BICD1: variants seen among roughly 807,000 people sequenced by gnomAD.
BICD1 encodes BICD cargo adaptor 1.
A neutral mutation model predicts 92.5 loss-of-function variants in BICD1; 35 were observed. That is an observed-to-expected ratio of 0.38 (90% confidence interval 0.29 to 0.50). BICD1 has a LOEUF of 0.50. Among genes scored for constraint, BICD1 ranks in the 20% least tolerant of loss-of-function variants. The pLI, the probability that BICD1 is intolerant of heterozygous loss-of-function variation, is 0.93. For synonymous variants in BICD1, 429 were observed against 465.1 expected (o/e 0.92, Z 1.00); for missense variants, 950 against 1,189.8 (o/e 0.80, Z 2.97).
chr12:32,113,311 G>T (rs961599540), intron 1 of BICD1, among the ~76,000 whole-genome samples: 5 of 152,094 alleles, frequency 3.3e-5, no homozygotes, highest in Non-Finnish European at 5.9e-5. Context: ...GATAGGAGGT[G>T]GTTCTATTTA....
At chr12:32,156,215 T>C (rs1943432156) in intron 1 of BICD1, among the ~76,000 whole-genome samples, 2 of 152,150 alleles carry the variant, frequency 1.3e-5, no homozygotes, top group Non-Finnish European at 2.9e-5. Context: ...ATATTATTGC[T>C]CCTCCAGCGT....
chr12:32,148,741 C>G (rs186996132), intron 1 of BICD1, among the ~76,000 whole-genome samples: 1 of 152,082 alleles, frequency 6.6e-6, no homozygotes, highest in Non-Finnish European at 1.5e-5. Context: ...GTAATGTTGC[C>G]GGGGACAGTG....
Position 32,166,666 on chromosome 12 carries a change from C to T in BICD1, c.214-49581C>T, listed in dbSNP as rs150989157. ...TAAGACTAGGGGAGAATAAAGCTGT[C>T]CACATTTGTAAGCCTCTACCAAGCA... On this transcript the variant is annotated intron_variant, in intron 1 of 9. Transcript: ENST00000652176. Among the ~76,000 whole-genome samples, 8 of 152,280 alleles carry T rather than the reference C, an allele frequency of 5.3e-5. No homozygotes were observed. The East Asian group carries it at 1.5e-3, about 29-fold the overall frequency.
At chr12:32,234,015 T>C (rs530648357) in intron 2 of BICD1, among the ~76,000 whole-genome samples, 9 of 152,348 alleles carry the variant, frequency 5.9e-5, no homozygotes, top group African/African-American at 2.2e-4. Context: ...CTTAGTGATA[T>C]CGTAATGAAT....
intron 2 of BICD1, among the ~76,000 whole-genome samples, chr12:32,237,277 G>C (rs1946100954): frequency 6.6e-6 from 1 of 152,160 alleles, no homozygotes; most frequent in Non-Finnish European, 1.5e-5. Context: ...AAGCCAATGG[G>C]TTGGTTCATG....
intron 1 of BICD1, among the ~76,000 whole-genome samples, chr12:32,116,621 GTAA>G (rs1316195329): frequency 6.6e-6 from 1 of 151,410 alleles, no homozygotes; most frequent in African/African-American, 2.4e-5. Context: ...ACAGGTTCAA[GTAA>G]TCCTCCCACC....
intron 1 of BICD1, among the ~76,000 whole-genome samples, chr12:32,215,475 T>A (rs916133325): frequency 2.0e-5 from 3 of 152,214 alleles, no homozygotes; most frequent in African/African-American, 4.8e-5. Flanking sequence ...TTGGTAATTT[T>A]AACTCTTAAG....
rs114430727 is a variant in BICD1 at position 32,155,264 on chromosome 12, T to C, written c.213+47720T>C. 4.3e-3 allele frequency among the ~76,000 whole-genome samples: 651 copies of C among 152,322 alleles called. 3 individuals carry two copies. Among genetic ancestry groups the C allele is most frequent in the African/African-American group, 0.015 (617 of 41,572 alleles). ...TTACACTTGTTATTACCCAGGGGCATTTCAAACTGTTACTGAAATGCATCC... is the reference window on the plus strand; with the variant it reads ...TTACACTTGTTATTACCCAGGGGCACTTCAAACTGTTACTGAAATGCATCC... On this transcript the variant is annotated intron_variant, in intron 1 of 9. Transcript: ENST00000652176.
chr12:32,118,713 G>T (rs150657869), intron 1 of BICD1, among the ~76,000 whole-genome samples: 47 of 152,230 alleles, frequency 3.1e-4, no homozygotes, highest in African/African-American at 1.1e-3. Context: ...GGGGGTCCTG[G>T]AACCCCCACA....
chr12:32,233,536 CTCCT>C (rs1416237326), intron 2 of BICD1, among the ~76,000 whole-genome samples: 35 of 151,166 alleles, frequency 2.3e-4, no homozygotes, highest in Admixed American at 6.6e-4. Flanking sequence ...CCCCTTCCTC[CTCCT>C]TCCTTCCTTC....
intron 2 of BICD1, among the ~76,000 whole-genome samples, chr12:32,259,337 A>G (rs1420453679): frequency 6.6e-6 from 1 of 152,188 alleles, no homozygotes; most frequent in Non-Finnish European, 1.5e-5. Context: ...CACCTGGGTA[A>G]TCCTCCACCC....
intron 1 of BICD1, among the ~76,000 whole-genome samples, chr12:32,135,422 A>C: frequency 2.1e-5 from 2 of 94,584 alleles, no homozygotes; most frequent in Non-Finnish European, 1.9e-5. Flanking sequence ...TTTTTGAGAC[A>C]GGGTCTCTTG....
intron 2 of BICD1, among the ~76,000 whole-genome samples, chr12:32,292,748 T>C (rs973197664): frequency 1.2e-4 from 18 of 152,338 alleles, no homozygotes; most frequent in African/African-American, 4.1e-4. Context: ...GTTTCTATGA[T>C]ACTTCTTCCC....
Position 32,377,857 on chromosome 12 carries a change from G to A in BICD1, c.*230G>A. On this transcript the variant is annotated 3_prime_UTR_variant, in exon 10 of 10. Transcript: ENST00000652176. The stretch of plus-strand genomic sequence containing the variant: ...CACAGATAAACTTCTGCCATCAAAT[G>A]GCTACAGTTCATTTAAATTTAAAAA... The A allele has an allele frequency of 2.2e-6, 1 of 448,492 alleles. No individual in the cohort carries two copies. Among genetic ancestry groups the A allele is most frequent in the Non-Finnish European group, 4.0e-6 (1 of 250,490 alleles). 27.8% of individuals were successfully genotyped at this position (448,492 alleles called of 1,614,324 possible). A position where few individuals can be genotyped will look rare whatever the true frequency, so the allele number is the denominator to read the frequency against.
intron 1 of BICD1, among the ~76,000 whole-genome samples, chr12:32,130,607 A>G (rs1222500886): frequency 6.6e-6 from 1 of 152,180 alleles, no homozygotes. Context: ...TCTAAAATGC[A>G]TACAGTGCTT....
At chr12:32,285,146 C>T (rs1408005640) in intron 2 of BICD1, among the ~76,000 whole-genome samples, 1 of 152,132 alleles carries the variant, frequency 6.6e-6, no homozygotes, top group African/African-American at 2.4e-5. Flanking sequence ...TTTAGTTAAC[C>T]TTTACTTTTC....
intron 2 of BICD1, among the ~76,000 whole-genome samples, chr12:32,286,792 A>C (rs772393561): frequency 6.6e-4 from 100 of 152,192 alleles, no homozygotes; most frequent in Non-Finnish European, 1.2e-3. Context: ...ATTAGGGCCT[A>C]AAATGTACCA....
chr12:32,107,673 G>C (rs1227156893), intron 1 of BICD1, 129 bp downstream of exon 1: 99 of 1,014,272 alleles, frequency 9.8e-5, no homozygotes, highest in Non-Finnish European at 1.3e-4. Flanking sequence ...GCCCTTTGTT[G>C]GTAAGAGAAG....
chr12:32,109,009 C>T (rs552781823), intron 1 of BICD1: 2 of 206,118 alleles, frequency 9.7e-6, no homozygotes, highest in Admixed American at 1.2e-4. Context: ...TTGTCTATAC[C>T]TATCAACACT....
Sources: gnomAD v4.1 joint callset for allele counts (sites outside exome capture counted in the v4.1 genomes callset) on GRCh38, gnomAD v4.1.1 for gene constraint, MANE v1.5 for transcripts, NCBI Gene and HGNC (gene_info 2026-07-23, HGNC 2026-07-21) for gene names.